Variants in CCDC158 observed in about 807,000 individuals in gnomAD.
The protein encoded by CCDC158 is coiled-coil domain containing 158.
Under a neutral mutation model 138.6 loss-of-function variants are expected in CCDC158, and 116 were observed. The observed-to-expected ratio is 0.84, with a 90% CI of 0.72 to 0.98. The LOEUF is 0.98. Ranked by LOEUF, CCDC158 falls within the 50% of genes least tolerant of loss-of-function variation. The pLI, the probability that CCDC158 is intolerant of heterozygous loss-of-function variation, is 0.00. For synonymous variants in CCDC158, 436 were observed against 442.4 expected (o/e 0.99, Z 0.18); for missense variants, 1,265 against 1,306.1 (o/e 0.97, Z 0.48).
At chr4:76,346,068 G>C (rs554335023) in intron 18 of CCDC158, among the ~76,000 whole-genome samples, 107 of 152,162 alleles carry the variant, frequency 7.0e-4, no homozygotes, top group African/African-American at 2.3e-3. Context: ...CAGAACAGAG[G>C]CTTCAGAAAT....
At chr4:76,323,116 T>C (rs932024) in intron 24 of CCDC158, among the ~76,000 whole-genome samples, 186 bp downstream of exon 24, 93,619 of 151,966 alleles carry the variant, frequency 0.62, 29,237 homozygotes, top group East Asian at 0.78. Flanking sequence ...AGGGCAAGAG[T>C]GACCTGCCCA....
intron 2 of CCDC158, among the ~76,000 whole-genome samples, chr4:76,405,900 C>A (rs1480561038): frequency 6.6e-6 from 1 of 151,440 alleles, no homozygotes; most frequent in Non-Finnish European, 1.5e-5. Flanking sequence ...GAAGAAACAC[C>A]AAATAAAGAA....
chr4:76,350,505 T>C (rs756867832), intron 18 of CCDC158, among the ~76,000 whole-genome samples: 14 of 152,170 alleles, frequency 9.2e-5, no homozygotes, highest in Non-Finnish European at 1.5e-4. Context: ...GAATTTTACA[T>C]TGCACATATT....
intron 18 of CCDC158, among the ~76,000 whole-genome samples, chr4:76,336,918 A>C (rs564965151): frequency 1.3e-5 from 2 of 152,170 alleles, no homozygotes; most frequent in Non-Finnish European, 2.9e-5. Flanking sequence ...AGAAGTTCTT[A>C]ATAAGCTTCC....
chr4:76,323,298 G>C lies in CCDC158; in HGVS notation c.3277+4C>G. On this transcript the variant is annotated splice_donor_region_variant and intron_variant, in intron 24 of 24. Coordinates refer to ENST00000682701, the MANE Select transcript of CCDC158 (RefSeq NM_001394954.1). The stretch of plus-strand genomic sequence containing the variant: ...GAAGATCTCTCCAAAAACGTACACT[G>C]TACCTTGGTTCTTCAGCTGTAAATC... 1 of 1,602,488 alleles carries C rather than the reference G, an allele frequency of 6.2e-7. No individual in the cohort carries two copies. The highest frequency in any genetic ancestry group is 8.5e-7 in the Non-Finnish European group (1 of 1,171,112).
chr4:76,398,854 C>T (rs988046595), intron 3 of CCDC158, among the ~76,000 whole-genome samples: 5 of 149,568 alleles, frequency 3.3e-5, no homozygotes, highest in African/African-American at 1.3e-4. Flanking sequence ...AGAGAGAGAG[C>T]GAATGGTTAT....
intron 1 of CCDC158, among the ~76,000 whole-genome samples, 127 bp downstream of exon 1, chr4:76,420,838 T>C (rs1730061862): frequency 2.0e-5 from 3 of 152,138 alleles, no homozygotes; most frequent in Non-Finnish European, 4.4e-5. Context: ...ATTGGGCATC[T>C]TCCATGTGCA....
At chr4:76,347,021 G>A (rs888597209) in intron 18 of CCDC158, among the ~76,000 whole-genome samples, 4 of 152,064 alleles carry the variant, frequency 2.6e-5, no homozygotes, top group African/African-American at 9.7e-5. Flanking sequence ...AAAAAGTCAG[G>A]AAAAAACAAA....
intron 11 of CCDC158, 95 bp downstream of exon 11, chr4:76,369,331 T>C (rs767483706): frequency 8.3e-7 from 1 of 1,205,940 alleles, no homozygotes; most frequent in Middle Eastern, 2.9e-4. Context: ...TTTAGGTCCA[T>C]ATATGTTAAA....
chr4:76,367,690 G>A lies in CCDC158; in HGVS notation c.1434C>T (p.Arg478=), dbSNP rs748282532. Residue 478 remains arginine (R), a synonymous_variant, in exon 12 of 25, where the codon CGC becomes CGT. Transcript: ENST00000682701. Reference sequence around the variant, plus strand: ...TGGCTGTCAACTCTTCTACTACTTTGCGCAGCATCTCTTTGGTGGATTCAA... The same window carrying A: ...TGGCTGTCAACTCTTCTACTACTTTACGCAGCATCTCTTTGGTGGATTCAA... The part of the protein sequence containing the change: ...AQLESTKEML[R]KVVEELTAKK... The A allele has an allele frequency of 6.2e-7, 1 of 1,614,048 alleles. No homozygotes were observed. The highest frequency in any genetic ancestry group is 8.5e-7 in the Non-Finnish European group (1 of 1,180,036).
At chr4:76,399,882 G>A (rs967556413) in intron 3 of CCDC158, among the ~76,000 whole-genome samples, 9 of 152,142 alleles carry the variant, frequency 5.9e-5, no homozygotes, top group East Asian at 3.9e-4. Flanking sequence ...ACAGTGGGGG[G>A]TGAGAAGAAA....
intron 1 of CCDC158, among the ~76,000 whole-genome samples, chr4:76,415,747 C>T (rs560824676): frequency 4.5e-4 from 69 of 152,258 alleles, no homozygotes; most frequent in African/African-American, 1.4e-3. Context: ...CTGTTATGCC[C>T]GGACAGGGCC....
At position 76,400,598 on chromosome 4, in the gene CCDC158, A is replaced by G. The variant is rs570717525; in HGVS notation, c.70+2540T>C. On this transcript the variant is annotated intron_variant, in intron 3 of 24. Transcript: ENST00000682701. ...ACTCCTTCCTCTGCACTACCCACCC[A>G]CCACCCCCCCAAAAAAAAGAATGGT... 1.5e-3 allele frequency among the ~76,000 whole-genome samples: 209 copies of G among 137,978 alleles called. 1 individual carries two copies. The highest frequency in any genetic ancestry group is 2.6e-3 in the Non-Finnish European group (165 of 64,068). 90.5% of individuals were successfully genotyped at this position (137,978 alleles called of 152,430 possible).
chr4:76,408,337 T>TC (rs1262103123), intron 2 of CCDC158, among the ~76,000 whole-genome samples: 3 of 151,684 alleles, frequency 2.0e-5, no homozygotes, highest in South Asian at 4.2e-4. Context: ...CCCTCCCCGC[T>TC]CCCCCCACCC....
intron 18 of CCDC158, among the ~76,000 whole-genome samples, chr4:76,335,798 C>A (rs1453792960): frequency 1.3e-5 from 2 of 152,136 alleles, no homozygotes; most frequent in Non-Finnish European, 2.9e-5. Flanking sequence ...ATCTCAAACT[C>A]CTGGACTCAG....
Position 76,386,959 on chromosome 4 carries a change from C to T in CCDC158, c.289-2294G>A, listed in dbSNP as rs191659071. On this transcript the variant is annotated intron_variant, in intron 4 of 24. Coordinates refer to ENST00000682701, the MANE Select transcript of CCDC158 (RefSeq NM_001394954.1). ...AGCCTCACCACCACATGCTGAAATG[C>T]GCTGGGGTCCTAGGTAAACTTGAAA... Among the ~76,000 whole-genome samples, 4 of 152,268 alleles carry T rather than the reference C, an allele frequency of 2.6e-5. 1 individual carries two copies. The highest frequency in any genetic ancestry group is 2.6e-4 in the Admixed American group (4 of 15,300).
At chr4:76,353,089 T>C (rs12504985) in intron 16 of CCDC158, 34 bp downstream of exon 16, 943,918 of 1,527,332 alleles carry the variant, frequency 0.62, 295,754 homozygotes, top group Admixed American at 0.76. Context: ...ACTATTTAGT[T>C]GATAATTACT....
intron 18 of CCDC158, among the ~76,000 whole-genome samples, chr4:76,343,515 G>T (rs1397754289): frequency 6.6e-6 from 1 of 152,142 alleles, no homozygotes; most frequent in Non-Finnish European, 1.5e-5. Flanking sequence ...TATCCTTAAA[G>T]AGAAGCAAGA....
At chr4:76,352,047 C>T (rs77506740) in intron 16 of CCDC158, 13,100 of 363,564 alleles carry the variant, frequency 0.036, 745 homozygotes, top group East Asian at 0.2. Flanking sequence ...GAAGGGCAAA[C>T]AATGAATGAA....
Sources: allele counts gnomAD v4.1 joint callset (sites outside exome capture counted in the v4.1 genomes callset), GRCh38; gene constraint gnomAD v4.1.1; transcripts MANE v1.5; gene names NCBI Gene and HGNC (gene_info 2026-07-23, HGNC 2026-07-21).